The following ADAMTS17 variants were observed in gnomAD, a reference collection of about 807,000 sequenced individuals.
ADAMTS17 encodes the protein ADAM metallopeptidase with thrombospondin type 1 motif 17, also known as A disintegrin and metalloproteinase with thrombospondin motifs 17.
Under a neutral mutation model 141.5 loss-of-function variants are expected in ADAMTS17, and 113 were observed. The ratio of observed to expected loss-of-function variants is 0.80; its 90% CI spans 0.69 to 0.93. ADAMTS17 has a LOEUF of 0.93. Among genes scored for constraint, ADAMTS17 ranks in the 40% least tolerant of loss-of-function variants. The probability of loss-of-function intolerance (pLI) is 0.00; values close to 1 mark genes in which losing one functional copy is unlikely to be tolerated. For missense variants in ADAMTS17, 1,659 were observed against 1,517.9 expected, an observed-to-expected ratio of 1.09 and a Z score of -1.54; for synonymous variants, 768 against 630.6, an observed-to-expected ratio of 1.22 and a Z score of -3.27.
chr15:100,208,163 C>G (rs938214842), intron 7 of ADAMTS17, among the ~76,000 whole-genome samples: 1 of 152,116 alleles, frequency 6.6e-6, no homozygotes, highest in African/African-American at 2.4e-5. Context: ...AACCCAGGAG[C>G]CTCCCCTAGC....
intron 2 of ADAMTS17, among the ~76,000 whole-genome samples, chr15:100,340,784 G>C (rs1307592734): frequency 1.3e-5 from 2 of 150,174 alleles, no homozygotes; most frequent in Non-Finnish European, 3.0e-5. Context: ...TATACCCCAC[G>C]CAACCCCAGC....
At chr15:100,227,511 T>G (rs1353715686) in intron 7 of ADAMTS17, among the ~76,000 whole-genome samples, 1 of 152,214 alleles carries the variant, frequency 6.6e-6, no homozygotes. Context: ...GAGACACCAT[T>G]GCTCAACACA....
chr15:100,157,136 C>T (rs942632073), intron 8 of ADAMTS17, among the ~76,000 whole-genome samples: 5 of 152,284 alleles, frequency 3.3e-5, no homozygotes, highest in Admixed American at 2.0e-4. Context: ...AACTCTCTCA[C>T]TGTCACAAGA....
At chr15:100,122,567 T>C (rs1567211507) in intron 12 of ADAMTS17, among the ~76,000 whole-genome samples, 1 of 152,142 alleles carries the variant, frequency 6.6e-6, no homozygotes, top group Non-Finnish European at 1.5e-5. Context: ...TAGTAGAAAA[T>C]CCACATATAA....
chr15:100,011,588 T>C (rs1408341320), intron 18 of ADAMTS17, among the ~76,000 whole-genome samples: 2 of 152,162 alleles, frequency 1.3e-5, no homozygotes, highest in Admixed American at 6.5e-5. Context: ...GAGCTTCCTA[T>C]GTGCCAGGCA....
At chr15:100,283,831 T>C (rs867979947) in intron 3 of ADAMTS17, among the ~76,000 whole-genome samples, 3 of 152,244 alleles carry the variant, frequency 2.0e-5, no homozygotes, top group Middle Eastern at 6.8e-3. Context: ...CTGCACTGGG[T>C]ACAGTGGCTC....
chr15:100,073,899 A>G (rs11856377), intron 15 of ADAMTS17, among the ~76,000 whole-genome samples: 98,965 of 151,024 alleles, frequency 0.66, 34,888 homozygotes, highest in South Asian at 0.8. Context: ...ATGTACCCTA[A>G]AACTTAAAGT....
intron 3 of ADAMTS17, among the ~76,000 whole-genome samples, chr15:100,315,490 C>T (rs554334594): frequency 6.6e-5 from 10 of 152,244 alleles, no homozygotes; most frequent in South Asian, 2.1e-4. Context: ...ATTAGTCAAG[C>T]AAATACATCA....
chr15:100,335,380 C>T (rs572966880), intron 2 of ADAMTS17, among the ~76,000 whole-genome samples: 30 of 152,278 alleles, frequency 2.0e-4, no homozygotes, highest in African/African-American at 6.7e-4. Flanking sequence ...AATGGGGCCT[C>T]GGTGACTTTT....
chr15:100,003,115 G>T (rs2060962681), intron 18 of ADAMTS17, among the ~76,000 whole-genome samples: 1 of 152,030 alleles, frequency 6.6e-6, no homozygotes, highest in Non-Finnish European at 1.5e-5. Flanking sequence ...CCTGCCGAGA[G>T]CACAGCCTCC....
At chr15:100,292,496 G>C (rs2044677466) in intron 3 of ADAMTS17, among the ~76,000 whole-genome samples, 1 of 150,446 alleles carries the variant, frequency 6.6e-6, no homozygotes, top group African/African-American at 2.5e-5. Flanking sequence ...AATTATGAGA[G>C]ACACTCACCC....
At position 100,152,691 on chromosome 15, in the gene ADAMTS17, A is replaced by C. The variant is rs1372452653; in HGVS notation, c.1394T>G (p.Leu465Arg). The change falls in exon 10 of 22, where the codon CTG becomes CGG. Residue 465 changes from leucine (L) to arginine (R), a missense_variant. Transcript: ENST00000268070. ...GTTGGCACTGTAGTGCATGCCCGGCAGCTTGTGCGGGAGGCGTACTGTGTG... is the reference window on the plus strand; with the variant it reads ...GTTGGCACTGTAGTGCATGCCCGGCCGCTTGTGCGGGAGGCGTACTGTGTG... Reference protein sequence around the residue: ...SQHTVRLPHKLPGMHYSANEQ... With the variant: ...SQHTVRLPHKRPGMHYSANEQ... 2.5e-6 allele frequency: 4 copies of C among 1,614,094 alleles called. No homozygotes were observed. Among genetic ancestry groups the C allele is most frequent in the African/African-American group, 1.3e-5 (1 of 74,936 alleles).
chr15:99,979,810 A>T (rs1357638322), intron 20 of ADAMTS17: 4 of 152,232 alleles, frequency 2.6e-5, no homozygotes, highest in Admixed American at 2.6e-4. Flanking sequence ...AACATTTCTA[A>T]ATTTGAATGT....
At chr15:100,002,687 A>C (rs1412124431) in intron 18 of ADAMTS17, among the ~76,000 whole-genome samples, 2 of 152,132 alleles carry the variant, frequency 1.3e-5, no homozygotes, top group Non-Finnish European at 2.9e-5. Context: ...TGATTTCTTG[A>C]TTTGAGCAAT....
chr15:100,289,432 A>T (rs2044553820), intron 3 of ADAMTS17, among the ~76,000 whole-genome samples: 1 of 152,156 alleles, frequency 6.6e-6, no homozygotes. Context: ...TACCATTCCT[A>T]CTAAAAGCAT....
At chr15:100,116,796 C>A (rs775129635) in intron 13 of ADAMTS17, 51 bp downstream of exon 13, 2 of 1,613,194 alleles carry the variant, frequency 1.2e-6, no homozygotes, top group East Asian at 2.2e-5. Flanking sequence ...TTTTTATATT[C>A]TTAGGGGAGG....
chr15:100,341,539 C>T, intron 1 of ADAMTS17, 130 bp from the exon 2 acceptor site: 3 of 912,692 alleles, frequency 3.3e-6, no homozygotes, highest in Non-Finnish European at 4.0e-6. Flanking sequence ...TTCCCTCGCC[C>T]GGCACCTCCA....
At chr15:100,151,650 T>A (rs984868956) in intron 10 of ADAMTS17, among the ~76,000 whole-genome samples, 3 of 152,114 alleles carry the variant, frequency 2.0e-5, no homozygotes, top group African/African-American at 7.2e-5. Context: ...CCCTGGCTGG[T>A]TCCCCTACTT....
intron 20 of ADAMTS17, among the ~76,000 whole-genome samples, chr15:99,985,573 G>C (rs928078056): frequency 6.6e-6 from 1 of 152,128 alleles, no homozygotes; most frequent in Non-Finnish European, 1.5e-5. Context: ...ACAGATACTT[G>C]ACTTAATAAC....
Sources: allele counts gnomAD v4.1 joint callset (sites outside exome capture counted in the v4.1 genomes callset), GRCh38; gene constraint gnomAD v4.1.1; transcripts MANE v1.5; gene names NCBI Gene and HGNC (gene_info 2026-07-23, HGNC 2026-07-21).